Variants in SEC16B observed in about 807,000 individuals in gnomAD.
SEC16B encodes protein transport protein Sec16B.
Under a neutral mutation model 141.8 loss-of-function variants are expected in SEC16B, and 115 were observed. The ratio of observed to expected loss-of-function variants is 0.81; its 90% CI spans 0.70 to 0.95. The LOEUF is 0.95. Among genes scored for constraint, SEC16B ranks in the 40% least tolerant of loss-of-function variants. The pLI is 0.00. For synonymous variants in SEC16B, 493 were observed against 492.5 expected, an observed-to-expected ratio of 1.00 and a Z score of -0.01; for missense variants, 1,291 against 1,312.3, an observed-to-expected ratio of 0.98 and a Z score of 0.25.
chr1:177,943,457 C>A (rs1651433554), intron 15 of SEC16B, among the ~76,000 whole-genome samples: 1 of 152,142 alleles, frequency 6.6e-6, no homozygotes, highest in Non-Finnish European at 1.5e-5. Context: ...CTAATTGGGC[C>A]ATTTCTCTAT....
At position 177,958,346 on chromosome 1, in the gene SEC16B, T is replaced by C. The variant is rs373817843; in HGVS notation, c.1151A>G (p.Asp384Gly). The change falls in exon 10 of 26, where the codon GAC becomes GGC. Residue 384 changes from aspartate to glycine, a missense_variant. Transcript: ENST00000308284. ...CRQNGSMVGS[D>G]IAELLMQDCK... ...GTCTTGCATTAGCAGCTCAGCGATG[T>C]CAGACCCCACCATGGACTGTAAGGC... 6 of 1,598,972 alleles carry C rather than the reference T, an allele frequency of 3.8e-6. No homozygotes were observed. The highest frequency in any genetic ancestry group is 5.1e-6 in the Non-Finnish European group (6 of 1,172,636).
chr1:177,946,227 G>C, intron 14 of SEC16B, 193 bp downstream of exon 14: 1 of 644,396 alleles, frequency 1.6e-6, no homozygotes, highest in South Asian at 1.8e-5. Flanking sequence ...TGAGGCCCCC[G>C]CCAATGCTGT....
chr1:177,981,680 A>T (rs548860339), intron 1 of SEC16B, among the ~76,000 whole-genome samples: 7 of 152,184 alleles, frequency 4.6e-5, no homozygotes, highest in Non-Finnish European at 7.3e-5. Flanking sequence ...TAGAAGTTAC[A>T]TACATTATTA....
At chr1:177,966,879 A>G (rs2102001672) in intron 2 of SEC16B, among the ~76,000 whole-genome samples, 1 of 152,286 alleles carries the variant, frequency 6.6e-6, no homozygotes, top group African/African-American at 2.4e-5. Flanking sequence ...TGGCCCAATT[A>G]GCAATTCTTT....
At chr1:177,937,153 C>A in intron 19 of SEC16B, 61 bp downstream of exon 19, 2 of 1,520,596 alleles carry the variant, frequency 1.3e-6, no homozygotes, top group Non-Finnish European at 1.8e-6. Context: ...ACCTCCCTTT[C>A]CTGCTTCCTC....
rs116802078 is a variant in SEC16B, at chr1:177,975,914, C to T, written c.-58-7875G>A. 5.8e-3 allele frequency among the ~76,000 whole-genome samples: 886 copies of T among 152,236 alleles called. 8 individuals are homozygous for T. Among genetic ancestry groups the T allele is most frequent in the African/African-American group, 0.02 (837 of 41,548 alleles). On this transcript the variant is annotated intron_variant and NMD_transcript_variant, in intron 1 of 24. Coordinates refer to the SEC16B transcript ENST00000528461. Reference sequence around the variant, plus strand: ...GCTGGGTGGCAGACAAGATGCAGAGCGTCCTGTGCTGCTCAGCTGTTCTAG... The same window carrying T: ...GCTGGGTGGCAGACAAGATGCAGAGTGTCCTGTGCTGCTCAGCTGTTCTAG...
intron 25 of SEC16B, 21 bp downstream of exon 25, chr1:177,930,524 T>C: frequency 2.6e-6 from 4 of 1,566,164 alleles, no homozygotes; most frequent in Non-Finnish European, 3.5e-6. Flanking sequence ...GGCCAGCCCC[T>C]CCCCCTGAGG....
chr1:177,952,023 A>C, intron 11 of SEC16B, 28 bp from the exon 12 acceptor site: 2 of 1,571,680 alleles, frequency 1.3e-6, no homozygotes, highest in Non-Finnish European at 1.7e-6. Flanking sequence ...GTCAGCGAGG[A>C]CCAAGCCCAG....
chr1:177,948,753 G>T, intron 12 of SEC16B: 1 of 1,142,400 alleles, frequency 8.8e-7, no homozygotes. Context: ...TACCTACCTT[G>T]AGCAAGTTTC....
intron 24 of SEC16B, among the ~76,000 whole-genome samples, chr1:177,931,119 G>A (rs1650381295): frequency 6.6e-6 from 1 of 152,194 alleles, no homozygotes; most frequent in Middle Eastern, 3.2e-3. Context: ...AAATACACTT[G>A]CACAAGTATG....
In SEC16B at chr1:177,933,252, C is replaced by A. The variant is rs61745560; in HGVS notation, c.2785G>T (p.Ala929Ser). Residue 929 changes from alanine (A) to serine (S), a missense_variant, in exon 22 of 26, where the codon GCT becomes TCT. This residue lies in a region of SEC16B where 605 missense variants were observed against 614.1 expected (regional missense o/e 0.99). Coordinates refer to ENST00000308284, the MANE Select transcript of SEC16B (RefSeq NM_033127.4). ...RSKPTKNASP[A>S]GDEDSSDSPD... ...CTGTCTGAGGAGTCCTCGTCTCCAG[C>A]GGGGGATGCGTTCTTGGTGGGCTTC... 394,241 of 1,595,234 alleles carry A rather than the reference C, an allele frequency of 0.25. 49,432 individuals are homozygous for A. Among genetic ancestry groups the A allele is most frequent in the African/African-American group, 0.28 (21,040 of 74,422 alleles).
chr1:177,939,036 T>C (rs1557970185), intron 18 of SEC16B, among the ~76,000 whole-genome samples: 1 of 152,154 alleles, frequency 6.6e-6, no homozygotes, highest in African/African-American at 2.4e-5. Flanking sequence ...CCCCCCACCT[T>C]TACAGATCCT....
At chr1:177,964,379 G>A (rs1354692047) in intron 4 of SEC16B, 100 bp from the exon 5 acceptor site, 2 of 712,238 alleles carry the variant, frequency 2.8e-6, no homozygotes, top group Non-Finnish European at 2.3e-6. Flanking sequence ...GCGTGGGCAG[G>A]TACCATGTCA....
At chr1:177,936,235 C>T (rs1344799218) in intron 20 of SEC16B, 63 bp downstream of exon 20, 9 of 1,377,646 alleles carry the variant, frequency 6.5e-6, no homozygotes, top group Non-Finnish European at 9.1e-6. Flanking sequence ...GAAACCAAGG[C>T]AACTGGTAAA....
intron 10 of SEC16B, among the ~76,000 whole-genome samples, chr1:177,957,194 G>T (rs537277459): frequency 3.9e-5 from 6 of 151,994 alleles, no homozygotes; most frequent in Admixed American, 3.9e-4. Flanking sequence ...AAAAGATCAG[G>T]CAAAGACTTA....
chr1:177,947,774 G>GAGGGGAGGGACAGGGAGGGGAGGT, intron 13 of SEC16B, 51 bp downstream of exon 13: 2 of 444,064 alleles, frequency 4.5e-6, no homozygotes, highest in South Asian at 2.5e-5. Context: ...GGAGGGGAGG[G>GAGGGGAGGGACAGGGAGGGGAGGT]GAGGGAAGGG....
chr1:177,979,426 T>C (rs964746643), intron 1 of SEC16B, among the ~76,000 whole-genome samples: 3 of 152,212 alleles, frequency 2.0e-5, no homozygotes, highest in Non-Finnish European at 4.4e-5. Flanking sequence ...TGTGGATGCA[T>C]ACATGTGTTT....
intron 15 of SEC16B, among the ~76,000 whole-genome samples, chr1:177,943,204 A>T (rs1422184623): frequency 1.3e-5 from 2 of 152,224 alleles, no homozygotes; most frequent in Non-Finnish European, 2.9e-5. Context: ...AAGAGACCAA[A>T]GAGCCGGTCG....
chr1:177,976,834 C>T (rs1221149787), intron 1 of SEC16B, among the ~76,000 whole-genome samples: 3 of 152,088 alleles, frequency 2.0e-5, no homozygotes, highest in African/African-American at 7.2e-5. Context: ...ACACTTAATC[C>T]AATGCCCCCA....
Sources: allele counts gnomAD v4.1 joint callset (sites outside exome capture counted in the v4.1 genomes callset), GRCh38; gene constraint gnomAD v4.1.1; regional missense constraint gnomAD v4.1.1; transcripts MANE v1.5; gene names NCBI Gene and HGNC (gene_info 2026-07-23, HGNC 2026-07-21).